NPAS3: variants seen among roughly 807,000 people sequenced by gnomAD.
The protein encoded by NPAS3 is neuronal PAS domain-containing protein 3.
A neutral mutation model predicts 73.1 loss-of-function variants in NPAS3; 14 were observed. That is an observed-to-expected ratio of 0.19 (90% confidence interval 0.13 to 0.30). NPAS3 has a LOEUF of 0.30. Ranked by LOEUF, NPAS3 falls within the 10% of genes least tolerant of loss-of-function variation. The pLI is 1.00. For synonymous variants in NPAS3, 620 were observed against 541.5 expected, an observed-to-expected ratio of 1.14 and a Z score of -2.01; for missense variants, 1,096 against 1,250.0, an observed-to-expected ratio of 0.88 and a Z score of 1.86.
intron 4 of NPAS3, among the ~76,000 whole-genome samples, chr14:33,384,882 C>A (rs538167837): frequency 6.6e-6 from 1 of 152,282 alleles, no homozygotes; most frequent in South Asian, 2.1e-4. Flanking sequence ...AAACAAACTT[C>A]ATTTTCTCCC....
chr14:33,013,968 T>C (rs2039302957), intron 1 of NPAS3, among the ~76,000 whole-genome samples: 1 of 152,126 alleles, frequency 6.6e-6, no homozygotes, highest in South Asian at 2.1e-4. Context: ...TAAAATAAGC[T>C]GAAAAAAGAA....
intron 5 of NPAS3, among the ~76,000 whole-genome samples, chr14:33,665,112 G>A (rs1234666520): frequency 2.0e-5 from 3 of 152,198 alleles, no homozygotes; most frequent in African/African-American, 4.8e-5. Context: ...CATCCCAGAT[G>A]CCCATCGATG....
rs113245170 is a variant in NPAS3, at chr14:33,403,764, G to A, written c.468+36496G>A. ...ACCTTCATGAATGAACTATTATTGT[G>A]GCCCACGGTAATGGTGGTGGACATC... On this transcript the variant is annotated intron_variant, in intron 4 of 11. Transcript: ENST00000356141. Among the ~76,000 whole-genome samples the A allele has an allele frequency of 2.8e-3, 420 of 151,992 alleles. 2 individuals carry two copies. The highest frequency in any genetic ancestry group is 4.3e-3 in the Non-Finnish European group (293 of 67,956).
chr14:33,118,565 A>G (rs1008239103), intron 2 of NPAS3, among the ~76,000 whole-genome samples: 5 of 152,130 alleles, frequency 3.3e-5, no homozygotes, highest in African/African-American at 1.2e-4. Flanking sequence ...AATTAAAACA[A>G]CTTTCTTGTT....
intron 4 of NPAS3, among the ~76,000 whole-genome samples, chr14:33,521,624 A>T (rs543145561): frequency 2.0e-5 from 3 of 152,192 alleles, no homozygotes; most frequent in Non-Finnish European, 4.4e-5. Context: ...TATTCGTAGC[A>T]TCGAAATCCC....
intron 7 of NPAS3, among the ~76,000 whole-genome samples, chr14:33,768,796 C>A (rs2062548465): frequency 6.6e-6 from 1 of 152,180 alleles, no homozygotes; most frequent in African/African-American, 2.4e-5. Context: ...CACCAATATT[C>A]CTTTCATTTT....
rs116141636 is a variant in NPAS3 at position 32,970,350 on chromosome 14, A to G, written c.50+30984A>G. On this transcript the variant is annotated intron_variant, in intron 1 of 11. Transcript: ENST00000356141. ...TAACTTGATTAATTTTCCAACTCAG[A>G]GACCTAACATAATATGTCCCTTTTG... is the stretch of plus-strand genomic sequence containing the variant. Among the ~76,000 whole-genome samples, 1,124 of 152,276 alleles carry G rather than the reference A, an allele frequency of 7.4e-3. 16 individuals are homozygous for G. The highest frequency in any genetic ancestry group is 0.024 in the African/African-American group (1,011 of 41,538).
At chr14:33,096,819 G>T (rs1377177394) in intron 2 of NPAS3, among the ~76,000 whole-genome samples, 2 of 152,100 alleles carry the variant, frequency 1.3e-5, no homozygotes, top group Admixed American at 6.6e-5. Context: ...CTCCTCAGCG[G>T]CTTCTCTACA....
At chr14:33,211,745 C>T (rs896766825) in intron 2 of NPAS3, among the ~76,000 whole-genome samples, 4 of 151,886 alleles carry the variant, frequency 2.6e-5, no homozygotes, top group Non-Finnish European at 5.9e-5. Flanking sequence ...AAATTATTGA[C>T]GTTGTTTTTG....
intron 1 of NPAS3, among the ~76,000 whole-genome samples, chr14:32,975,174 C>T (rs2037600669): frequency 6.6e-6 from 1 of 152,186 alleles, no homozygotes; most frequent in South Asian, 2.1e-4. Flanking sequence ...CTGTCACTTA[C>T]AGATCAAGTC....
chr14:33,673,810 A>G (rs2059677997), intron 5 of NPAS3, among the ~76,000 whole-genome samples: 1 of 152,228 alleles, frequency 6.6e-6, no homozygotes, highest in South Asian at 2.1e-4. Context: ...ACTGAAGCCC[A>G]GGGAGGTTAA....
At chr14:33,372,859 G>A (rs1665137269) in intron 4 of NPAS3, among the ~76,000 whole-genome samples, 1 of 152,132 alleles carries the variant, frequency 6.6e-6, no homozygotes, top group South Asian at 2.1e-4. Flanking sequence ...GAGAACTTGA[G>A]GAGATCATTA....
In NPAS3 at chr14:33,371,554, G is replaced by A. The variant is rs1816562304; in HGVS notation, c.468+4286G>A. On this transcript the variant is annotated intron_variant, in intron 4 of 11. Coordinates refer to ENST00000356141, the Ensembl canonical transcript of NPAS3. ...GTCATGTCTGTGCTGAGAAAGGATT[G>A]GTTTTCATTATTATTAATGGCTAAA... Among the ~76,000 whole-genome samples, 4 of 152,014 alleles carry A rather than the reference G, an allele frequency of 2.6e-5. 1 individual carries two copies. The South Asian group carries it at 8.3e-4, about 32-fold the overall frequency.
chr14:33,216,929 A>G (rs769747290), intron 3 of NPAS3, among the ~76,000 whole-genome samples: 73 of 152,178 alleles, frequency 4.8e-4, no homozygotes, highest in Non-Finnish European at 8.7e-4. Context: ...GAGCATGTAG[A>G]TATCAATTCA....
At chr14:33,244,149 A>C (rs1277826304) in intron 3 of NPAS3, among the ~76,000 whole-genome samples, 2 of 151,994 alleles carry the variant, frequency 1.3e-5, no homozygotes, top group East Asian at 3.9e-4. Flanking sequence ...AAAAAAAAAA[A>C]AAACTATGCA....
chr14:33,485,428 A>G (rs2051536697), intron 4 of NPAS3, among the ~76,000 whole-genome samples: 1 of 152,160 alleles, frequency 6.6e-6, no homozygotes, highest in Non-Finnish European at 1.5e-5. Context: ...ATTGCTCGGT[A>G]CCCATCCCAT....
chr14:33,258,995 A>C (rs530969444), intron 3 of NPAS3, among the ~76,000 whole-genome samples: 67 of 152,236 alleles, frequency 4.4e-4, no homozygotes, highest in African/African-American at 1.6e-3. Flanking sequence ...TTGTATTTTT[A>C]GTAGAGACGA....
At chr14:33,418,424 A>C (rs1444343377) in intron 4 of NPAS3, among the ~76,000 whole-genome samples, 4 of 151,998 alleles carry the variant, frequency 2.6e-5, no homozygotes, top group Admixed American at 6.6e-5. Flanking sequence ...ATTAACAACC[A>C]AGCCAGAAAA....
chr14:32,957,043 TTTAG>T (rs750779342), intron 1 of NPAS3, among the ~76,000 whole-genome samples: 17 of 152,146 alleles, frequency 1.1e-4, no homozygotes, highest in Non-Finnish European at 2.5e-4. Context: ...TGATGATGAT[TTTAG>T]TTAATTTGTC....
Sources: gnomAD v4.1 joint callset for allele counts (sites outside exome capture counted in the v4.1 genomes callset) on GRCh38, gnomAD v4.1.1 for gene constraint, MANE v1.5 for transcripts, NCBI Gene and HGNC (gene_info 2026-07-23, HGNC 2026-07-21) for gene names.